The following DLG5 variants were observed in gnomAD, a reference collection of about 807,000 sequenced individuals.
DLG5 encodes the protein discs large MAGUK scaffold protein 5.
In DLG5, 48 loss-of-function variants were observed where a neutral mutation model predicts 189.8. That is an observed-to-expected ratio of 0.25 (90% CI 0.20 to 0.32). DLG5 has a LOEUF of 0.32. Among genes scored for constraint, DLG5 ranks in the 10% least tolerant of loss-of-function variants. The pLI, the probability that DLG5 is intolerant of heterozygous loss-of-function variation, is 1.00. For missense variants in DLG5, 2,160 were observed against 2,544.7 expected (o/e 0.85, Z 3.25); for synonymous variants, 1,016 against 1,054.1 (o/e 0.96, Z 0.70).
Position 77,835,795 on chromosome 10 carries a change from C to T in DLG5, c.1565G>A (p.Arg522Gln), listed in dbSNP as rs768420371. 16 of 1,613,854 alleles carry T rather than the reference C, an allele frequency of 9.9e-6. No individual in the cohort carries two copies. Among genetic ancestry groups the T allele is most frequent in the East Asian group, 4.5e-5 (2 of 44,896 alleles). Reference protein sequence around the residue: ...ALQEADVAKCRRDWAFQERDK... With the variant: ...ALQEADVAKCQRDWAFQERDK... ...TCGCTCCTGGAAGGCCCAGTCCCGCCGGCACTTGGCCACATCCGCCTCCTG... is the reference window on the plus strand; with the variant it reads ...TCGCTCCTGGAAGGCCCAGTCCCGCTGGCACTTGGCCACATCCGCCTCCTG... Residue 522 changes from arginine (R) to glutamine (Q), a missense_variant, in exon 8 of 32, where the codon CGG becomes CAG. By Grantham distance (43) the Arg-to-Gln change is conservative. This residue lies in a region of DLG5 where 664 missense variants were observed against 838.5 expected (regional missense o/e 0.79). Coordinates refer to ENST00000372391, the MANE Select transcript of DLG5 (RefSeq NM_004747.4).
At position 77,821,124 on chromosome 10, in the gene DLG5, C is replaced by T. The variant is rs2154575625; in HGVS notation, c.3360G>A (p.Arg1120=). ...GAATCACTACTGGAGCAAGCTTCGG[C>T]CGAAAACTGGGAGCAGATTTTGGCC... The part of the protein sequence containing the change: ...RRRPKSAPSF[R]PKLAPVVIPA... The change falls in exon 15 of 32, where the codon CGG becomes CGA. Residue 1120 remains arginine, a synonymous_variant. Transcript: ENST00000372391. 1 of 1,614,012 alleles carries T rather than the reference C, an allele frequency of 6.2e-7. No individual in the cohort carries two copies. The highest frequency in any genetic ancestry group is 1.3e-5 in the African/African-American group (1 of 75,072).
chr10:77,865,435 G>T (rs1039282957), intron 2 of DLG5, among the ~76,000 whole-genome samples: 1 of 152,106 alleles, frequency 6.6e-6, no homozygotes, highest in Non-Finnish European at 1.5e-5. Context: ...TATGAGAGAA[G>T]CCCTCCAGCA....
chr10:77,884,502 G>A (rs145181574), intron 1 of DLG5, among the ~76,000 whole-genome samples: 1 of 151,994 alleles, frequency 6.6e-6, no homozygotes, highest in African/African-American at 2.4e-5. Context: ...GGAGCACATT[G>A]TTTCTACAGA....
chr10:77,923,772 C>A (rs950580797), intron 1 of DLG5, among the ~76,000 whole-genome samples: 2 of 152,170 alleles, frequency 1.3e-5, no homozygotes, highest in African/African-American at 4.8e-5. Context: ...AAACAAAAGC[C>A]CCCAACACGC....
At position 77,900,906 on chromosome 10, in the gene DLG5, C is replaced by A. The variant is rs374199736; in HGVS notation, c.304+25311G>T. On this transcript the variant is annotated intron_variant, in intron 1 of 31. Transcript: ENST00000372391. ...GCCAAGATCGTGCTACTGTACTCCACCCTGGGTGACAGAGCGAGACTCCGT... is the reference window on the plus strand; with the variant it reads ...GCCAAGATCGTGCTACTGTACTCCAACCTGGGTGACAGAGCGAGACTCCGT... Among the ~76,000 whole-genome samples the A allele has an allele frequency of 2.8e-5, 4 of 141,794 alleles. No individual in the cohort carries two copies. The East Asian group carries it at 8.3e-4, about 30-fold the overall frequency. The allele number at this position is 141,794 out of a possible 152,430, so 93.0% of individuals were successfully genotyped here.
chr10:77,840,484 G>A (rs570601771), intron 7 of DLG5, among the ~76,000 whole-genome samples: 4 of 152,330 alleles, frequency 2.6e-5, no homozygotes, highest in East Asian at 3.9e-4. Context: ...TTGGGAGGCC[G>A]AGGCGGAAGG....
At chr10:77,809,270 G>A (rs562419475) in intron 24 of DLG5, among the ~76,000 whole-genome samples, 30 of 150,574 alleles carry the variant, frequency 2.0e-4, no homozygotes, top group African/African-American at 6.1e-4. Flanking sequence ...GCCGGGTATC[G>A]TGGCACATGC....
intron 1 of DLG5, among the ~76,000 whole-genome samples, chr10:77,876,723 G>A (rs1488802242): frequency 2.5e-5 from 2 of 79,428 alleles, no homozygotes; most frequent in East Asian, 5.0e-4. Flanking sequence ...GGGAGGGAGG[G>A]AGGGAAGGAA....
intron 5 of DLG5, among the ~76,000 whole-genome samples, chr10:77,849,372 G>A (rs1013919687): frequency 4.6e-5 from 7 of 152,220 alleles, no homozygotes; most frequent in Non-Finnish European, 7.4e-5. Flanking sequence ...CCTTATCCCC[G>A]CTTCCTCTGC....
At chr10:77,795,414 C>A (rs997962754) in intron 29 of DLG5, among the ~76,000 whole-genome samples, 7 of 152,182 alleles carry the variant, frequency 4.6e-5, no homozygotes, top group African/African-American at 1.7e-4. Flanking sequence ...CCCCCAGATG[C>A]TCCACTGGGG....
At chr10:77,826,985 G>A (rs1044958663) in intron 13 of DLG5, among the ~76,000 whole-genome samples, 4 of 151,996 alleles carry the variant, frequency 2.6e-5, no homozygotes, top group African/African-American at 9.7e-5. Context: ...AAAGCAAGAT[G>A]AGCAACTGAG....
rs60644218 is a variant in DLG5, at chr10:77,876,373, CTTTTT to C, written c.305-7181_305-7177del. ...GGCAATATAGCAAGACCCCATCTCT[CTTTTT>C]TTTTTTTTTTTTTTGAAAGAGAGTC... On this transcript the variant is annotated intron_variant, in intron 1 of 31. Coordinates refer to ENST00000372391, the MANE Select transcript of DLG5 (RefSeq NM_004747.4). 7.5e-3 allele frequency among the ~76,000 whole-genome samples: 1,012 copies of C among 134,910 alleles called. 11 individuals carry two copies. The highest frequency in any genetic ancestry group is 0.025 in the African/African-American group (919 of 36,510). 88.5% of individuals were successfully genotyped at this position (134,910 alleles called of 152,430 possible). A position where few individuals can be genotyped will look rare whatever the true frequency, so the allele number is the denominator to read the frequency against.
In DLG5 at chr10:77,822,052, A is replaced by G. The variant is rs749907010; in HGVS notation, c.2432T>C (p.Ile811Thr). ...ACTCAGCATCTTATCAGAGTCTTTG[A>G]TATTTTCAAAAATGTTCTGGCCACT... is the stretch of plus-strand genomic sequence containing the variant. ...SWSGQNIFEN[I>T]KDSDKMLSFR... The change falls in exon 15 of 32, where the codon ATC (isoleucine) becomes ACC (threonine). Residue 811 changes from isoleucine to threonine, a missense_variant. Ile to Thr is a moderately conservative substitution (Grantham distance 89). Around this residue, in one of 5 missense-constraint regions of DLG5, gnomAD observed 754 missense variants for 746.5 expected, o/e 1.01. Transcript: ENST00000372391. The G allele has an allele frequency of 5.0e-6, 8 of 1,614,020 alleles. No individual in the cohort carries two copies. The African/African-American group carries it at 1.1e-4, about 22-fold the overall frequency.
At chr10:77,897,570 GC>G (rs1845799015) in intron 1 of DLG5, among the ~76,000 whole-genome samples, 1 of 151,368 alleles carries the variant, frequency 6.6e-6, no homozygotes, top group South Asian at 2.1e-4. Context: ...ATGCCTGTAA[GC>G]CCAGCACTTT....
At chr10:77,829,210 G>T in intron 12 of DLG5, 145 bp downstream of exon 12, 1 of 1,226,828 alleles carries the variant, frequency 8.2e-7, no homozygotes, top group Non-Finnish European at 1.1e-6. Flanking sequence ...ACCACCTCTT[G>T]CCAGAAAAGC....
At position 77,835,012 on chromosome 10, in the gene DLG5, C is replaced by T. The variant is rs143556743; in HGVS notation, c.1622+726G>A. 2.4e-3 allele frequency among the ~76,000 whole-genome samples: 368 copies of T among 152,280 alleles called. 3 individuals are homozygous for T. Among genetic ancestry groups the T allele is most frequent in the South Asian group, 0.024 (114 of 4,826 alleles). On this transcript the variant is annotated intron_variant, in intron 8 of 31. Coordinates refer to ENST00000372391, the MANE Select transcript of DLG5 (RefSeq NM_004747.4). ...CCCCAAACATCACCACCACCATAGC[C>T]TCTCCTGGTTCCTCCCCAGCCAAGG...
chr10:77,915,791 G>T (rs1216777520), intron 1 of DLG5, among the ~76,000 whole-genome samples: 1 of 152,240 alleles, frequency 6.6e-6, no homozygotes, highest in Non-Finnish European at 1.5e-5. Context: ...TCCTAAACGG[G>T]ATAAGGAGGA....
intron 1 of DLG5, among the ~76,000 whole-genome samples, chr10:77,892,154 G>A (rs1051728618): frequency 6.6e-6 from 1 of 152,180 alleles, no homozygotes; most frequent in African/African-American, 2.4e-5. Context: ...GGATGCCCCA[G>A]CTAATGGAAT....
chr10:77,865,706 G>A (rs750931306), intron 2 of DLG5, among the ~76,000 whole-genome samples: 22 of 152,150 alleles, frequency 1.4e-4, no homozygotes, highest in Non-Finnish European at 2.8e-4. Flanking sequence ...AGGGTCGGGG[G>A]CAGGTCACAA....
Sources: allele counts gnomAD v4.1 joint callset (sites outside exome capture counted in the v4.1 genomes callset), GRCh38; gene constraint gnomAD v4.1.1; regional missense constraint gnomAD v4.1.1; transcripts MANE v1.5; gene names NCBI Gene and HGNC (gene_info 2026-07-23, HGNC 2026-07-21).